The following BLTP3B variants were observed in gnomAD, a reference collection of about 807,000 sequenced individuals.
BLTP3B encodes UHRF1 (ICBP90) binding protein 1-like.
chr12:100,048,327 T>G, the BLTP3B span: 4 of 938,664 alleles, frequency 4.3e-6, no homozygotes, highest in South Asian at 1.0e-4. Flanking sequence ...CTATAGTACA[T>G]ATACAATATA....
chr12:100,054,318 A>C, the BLTP3B span, among the ~76,000 whole-genome samples: 1 of 152,174 alleles, frequency 6.6e-6, no homozygotes, highest in Non-Finnish European at 1.5e-5. Flanking sequence ...ACATACATAT[A>C]TATGGGTACA....
At chr12:100,128,765 A>T in the BLTP3B span, 1 of 1,246,534 alleles carries the variant, frequency 8.0e-7, no homozygotes. Context: ...GAAGGGAGCA[A>T]GTTTAAGGGA....
At chr12:100,112,803 T>G in the BLTP3B span, among the ~76,000 whole-genome samples, 2 of 145,164 alleles carry the variant, frequency 1.4e-5, no homozygotes, top group Non-Finnish European at 3.0e-5. Context: ...GAGGTGGCAG[T>G]GAGCCGAGAT....
chr12:100,124,974 ATATATT>A, the BLTP3B span, among the ~76,000 whole-genome samples: 4 of 100,396 alleles, frequency 4.0e-5, no homozygotes, highest in South Asian at 2.9e-4. Context: ...ATATATATAT[ATATATT>A]TATATTTATT....
At chr12:100,086,077 A>G in the BLTP3B span, among the ~76,000 whole-genome samples, 14 of 152,252 alleles carry the variant, frequency 9.2e-5, no homozygotes, top group African/African-American at 3.1e-4. Flanking sequence ...AAAAATCTAT[A>G]TAAATGTCAA....
At chr12:100,135,342 C>G in the BLTP3B span, among the ~76,000 whole-genome samples, 5 of 146,100 alleles carry the variant, frequency 3.4e-5, no homozygotes, top group Non-Finnish European at 7.4e-5. Context: ...TATCACAGTT[C>G]ACTGCAACCT....
chr12:100,106,588 TGAAGACTCA>T, the BLTP3B span, among the ~76,000 whole-genome samples: 2,276 of 152,256 alleles, frequency 0.015, 53 homozygotes, highest in African/African-American at 0.052. Flanking sequence ...TAATGGACTT[TGAAGACTCA>T]GAAGGTGGGT....
the BLTP3B span, among the ~76,000 whole-genome samples, chr12:100,135,509 T>C: frequency 6.6e-6 from 1 of 152,066 alleles, no homozygotes; most frequent in Non-Finnish European, 1.5e-5. Flanking sequence ...CCTGAAGTGA[T>C]CTGCCCGCCT....
At chr12:100,060,065 T>TA in the BLTP3B span, 1 of 1,534,686 alleles carries the variant, frequency 6.5e-7, no homozygotes, top group Non-Finnish European at 8.7e-7. Context: ...AGATGTTTTT[T>TA]AAAAATTTTT....
chr12:100,102,978 G>A, the BLTP3B span: 1 of 593,892 alleles, frequency 1.7e-6, no homozygotes, highest in South Asian at 3.4e-5. Flanking sequence ...AGTGAGCAGA[G>A]TCATTTAAGT....
the BLTP3B span, among the ~76,000 whole-genome samples, chr12:100,087,699 C>T: frequency 2.0e-5 from 3 of 152,288 alleles, no homozygotes; most frequent in South Asian, 4.1e-4. Context: ...TTGGATTTCA[C>T]AATAGTGATT....
the BLTP3B span, among the ~76,000 whole-genome samples, chr12:100,054,042 C>T: frequency 1.3e-5 from 2 of 152,058 alleles, no homozygotes; most frequent in East Asian, 3.9e-4. Context: ...TAAAAATAGT[C>T]TACTGCTGGA....
the BLTP3B span, among the ~76,000 whole-genome samples, chr12:100,044,134 C>G: frequency 6.6e-6 from 1 of 151,930 alleles, no homozygotes; most frequent in Non-Finnish European, 1.5e-5. Context: ...TTTTTGGGAG[C>G]TAACACATTT....
the BLTP3B span, among the ~76,000 whole-genome samples, chr12:100,091,249 G>A: frequency 2.7e-5 from 4 of 147,590 alleles, no homozygotes; most frequent in Middle Eastern, 6.6e-3. Context: ...GAGTGTAGTG[G>A]CATGATCTCG....
At chr12:100,076,824 A>AT in the BLTP3B span, among the ~76,000 whole-genome samples, 1 of 152,252 alleles carries the variant, frequency 6.6e-6, no homozygotes, top group Non-Finnish European at 1.5e-5. Flanking sequence ...ATGTCAACTT[A>AT]TTTTAACAAA....
At chr12:100,098,312 A>C in the BLTP3B span, 5 of 1,526,090 alleles carry the variant, frequency 3.3e-6, no homozygotes, top group South Asian at 6.3e-5. Flanking sequence ...TTTACTTGTC[A>C]CTAAATGAAA....
At chr12:100,091,143 A>ATT in the BLTP3B span, among the ~76,000 whole-genome samples, 1 of 148,818 alleles carries the variant, frequency 6.7e-6, no homozygotes, top group African/African-American at 2.5e-5. Context: ...TTTCCTCCCA[A>ATT]GTAGCTGGGA....
At chr12:100,141,446 T>TAC in the BLTP3B span, among the ~76,000 whole-genome samples, 23 of 150,884 alleles carry the variant, frequency 1.5e-4, no homozygotes, top group Middle Eastern at 6.4e-3. Flanking sequence ...TATATATATG[T>TAC]ACACACACAC....
the BLTP3B span, among the ~76,000 whole-genome samples, chr12:100,132,669 G>A: frequency 6.1e-4 from 93 of 152,258 alleles, no homozygotes; most frequent in African/African-American, 2.2e-3. Flanking sequence ...TTTTTTGGCC[G>A]GGTGTGGTGA....
Sources: allele counts gnomAD v4.1 joint callset (sites outside exome capture counted in the v4.1 genomes callset), GRCh38; gene constraint gnomAD v4.1.1; transcripts MANE v1.5; gene names NCBI Gene and HGNC (gene_info 2026-07-23, HGNC 2026-07-21).